Variants in AFF3 observed in about 807,000 individuals in gnomAD.
AFF3 encodes the protein ALF transcription elongation factor 3, also known as AF4/FMR2 family member 3.
AFF3 carries 32 observed loss-of-function variants against 129.7 expected under a neutral mutation model. That is an observed-to-expected ratio of 0.25 (90% confidence interval 0.19 to 0.33). AFF3 has a LOEUF of 0.33. Among genes scored for constraint, AFF3 ranks in the 10% least tolerant of loss-of-function variants. The probability of loss-of-function intolerance (pLI) is 1.00; values close to 1 mark genes in which losing one functional copy is unlikely to be tolerated. For missense variants in AFF3, 1,373 were observed against 1,592.0 expected (o/e 0.86, Z 2.34); for synonymous variants, 644 against 635.4 (o/e 1.01, Z -0.20).
chr2:99,631,772 C>T (rs1683139928), intron 13 of AFF3, among the ~76,000 whole-genome samples: 1 of 152,188 alleles, frequency 6.6e-6, no homozygotes, highest in South Asian at 2.1e-4. Context: ...ACTAGGATTG[C>T]TTCTACCTTT....
chr2:100,063,130 A>G (rs933399106), intron 4 of AFF3, among the ~76,000 whole-genome samples: 3 of 152,096 alleles, frequency 2.0e-5, no homozygotes, highest in Non-Finnish European at 4.4e-5. Flanking sequence ...ACTTGCCTGT[A>G]ATCCCAGGTA....
intron 15 of AFF3, 102 bp from the exon 16 acceptor site, chr2:99,587,380 C>T: frequency 1.4e-6 from 2 of 1,414,940 alleles, no homozygotes; most frequent in Middle Eastern, 3.7e-4. Flanking sequence ...GGGAGCCCCA[C>T]TCACCTGGCT....
intron 12 of AFF3, among the ~76,000 whole-genome samples, chr2:99,651,384 C>T (rs538876932): frequency 3.3e-5 from 5 of 151,798 alleles, no homozygotes; most frequent in South Asian, 2.1e-4. Flanking sequence ...CAGCATGCAC[C>T]GGGAAACAAG....
At chr2:99,587,927 T>C (rs1271936802) in intron 15 of AFF3, among the ~76,000 whole-genome samples, 1 of 151,700 alleles carries the variant, frequency 6.6e-6, no homozygotes, top group Non-Finnish European at 1.5e-5. Flanking sequence ...GGAGAATCGC[T>C]TGAACCTGGG....
rs147948321 is a variant in AFF3, at chr2:99,684,029, G to A, written c.1092-11440C>T. Among the ~76,000 whole-genome samples, 353 of 152,102 alleles carry A rather than the reference G, an allele frequency of 2.3e-3. 1 individual carries two copies. The highest frequency in any genetic ancestry group is 7.1e-3 in the African/African-American group (296 of 41,474). ...AGTGTCCTTCCAAATTTATAGTCAC[G>A]TGTGGGACACAGTCCACTCTACAGG... is the stretch of plus-strand genomic sequence containing the variant. On this transcript the variant is annotated intron_variant, in intron 11 of 24. Transcript: ENST00000672756.
chr2:99,933,993 T>C (rs1226080138), intron 7 of AFF3, among the ~76,000 whole-genome samples: 3 of 152,126 alleles, frequency 2.0e-5, no homozygotes, highest in Non-Finnish European at 2.9e-5. Context: ...ATATCCACCA[T>C]GCATTACAGG....
At chr2:99,834,679 ACT>A (rs2105777631) in intron 8 of AFF3, among the ~76,000 whole-genome samples, 1 of 152,010 alleles carries the variant, frequency 6.6e-6, no homozygotes, top group Non-Finnish European at 1.5e-5. Flanking sequence ...CCTCTCAGAA[ACT>A]CTGAACACCA....
intron 4 of AFF3, among the ~76,000 whole-genome samples, chr2:100,073,464 C>T (rs1443202067): frequency 6.6e-6 from 1 of 152,214 alleles, no homozygotes; most frequent in East Asian, 1.9e-4. Flanking sequence ...TTCCTCTCAG[C>T]CTTCCAGCCC....
intron 7 of AFF3, among the ~76,000 whole-genome samples, chr2:99,894,460 A>G (rs1693788333): frequency 6.6e-6 from 1 of 151,438 alleles, no homozygotes; most frequent in Admixed American, 6.6e-5. Context: ...TTTTCTGATC[A>G]GCGTCAGGAA....
At chr2:100,091,129 T>G (rs1338981428) in intron 4 of AFF3, among the ~76,000 whole-genome samples, 2 of 152,014 alleles carry the variant, frequency 1.3e-5, no homozygotes, top group Admixed American at 1.3e-4. Context: ...TTCCCAGCTC[T>G]GCCTTACTAA....
intron 1 of AFF3, among the ~76,000 whole-genome samples, chr2:100,133,575 G>T (rs935659453): frequency 1.3e-5 from 2 of 152,094 alleles, no homozygotes; most frequent in African/African-American, 4.8e-5. Context: ...CTCCCAGCTG[G>T]AATTACAGGC....
chr2:99,575,888 G>A (rs1043264517), intron 18 of AFF3, among the ~76,000 whole-genome samples: 13 of 152,172 alleles, frequency 8.5e-5, no homozygotes, highest in African/African-American at 3.1e-4. Flanking sequence ...TTCAGCCATA[G>A]CAGATTAAGA....
intron 11 of AFF3, among the ~76,000 whole-genome samples, chr2:99,673,985 A>C (rs1687397176): frequency 1.3e-5 from 2 of 152,160 alleles, no homozygotes; most frequent in Non-Finnish European, 2.9e-5. Flanking sequence ...TACAAAATAA[A>C]TATGCTCCCC....
chr2:99,747,281 C>T (rs1462001690), intron 9 of AFF3, among the ~76,000 whole-genome samples: 2 of 152,062 alleles, frequency 1.3e-5, no homozygotes, highest in African/African-American at 4.8e-5. Context: ...CCACCTGCCT[C>T]GGCCTCCCAA....
rs779277684 is a variant in AFF3 at position 99,744,121 on chromosome 2, G to A, written c.1022C>T (p.Ser341Phe). The A allele has an allele frequency of 6.2e-7, 1 of 1,606,952 alleles. No individual in the cohort carries two copies. The highest frequency in any genetic ancestry group is 8.5e-7 in the Non-Finnish European group (1 of 1,177,018). Residue 341 changes from serine (S) to phenylalanine (F), a missense_variant, in exon 10 of 25, where the codon TCT becomes TTT. By Grantham distance (155) the Ser-to-Phe change is radical (BLOSUM62 -2). Around this residue, in one of 9 missense-constraint regions of AFF3, gnomAD observed 413 missense variants for 424.4 expected, o/e 0.97. Coordinates refer to ENST00000672756, the MANE Select transcript of AFF3 (RefSeq NM_001386135.1). ...FPNKDSQLVSSGHNNPKKGDA... is the reference protein window; with the variant it reads ...FPNKDSQLVSFGHNNPKKGDA... ...TTTCTTACTTGGATTATTGTGTCCA[G>A]AGGATACAAGCTGAGAGTCCTGAAA...
chr2:99,752,645 C>A (rs971540441), intron 8 of AFF3, among the ~76,000 whole-genome samples: 3 of 152,096 alleles, frequency 2.0e-5, no homozygotes, highest in African/African-American at 7.2e-5. Flanking sequence ...GGACTTGATC[C>A]CACAGAATTC....
intron 16 of AFF3, among the ~76,000 whole-genome samples, chr2:99,583,745 T>C (rs1677813005): frequency 6.6e-6 from 1 of 151,412 alleles, no homozygotes; most frequent in South Asian, 2.1e-4. Context: ...CAGGCTGGAG[T>C]GCAATGGCAC....
chr2:100,014,954 ATTTTT>A (rs562822524), intron 4 of AFF3, among the ~76,000 whole-genome samples: 17 of 121,654 alleles, frequency 1.4e-4, no homozygotes, highest in African/African-American at 4.9e-4. Context: ...CAGCCAGCTA[ATTTTT>A]TTTTTTTTTT....
At chr2:99,576,432 C>T (rs906900265) in intron 18 of AFF3, among the ~76,000 whole-genome samples, 3 of 149,612 alleles carry the variant, frequency 2.0e-5, no homozygotes, top group Non-Finnish European at 4.4e-5. Flanking sequence ...AAGAAGATAG[C>T]GTAAGCCCAG....
Sources: gnomAD v4.1 joint callset for allele counts (sites outside exome capture counted in the v4.1 genomes callset) on GRCh38, gnomAD v4.1.1 for gene constraint, gnomAD v4.1.1 regional missense constraint, MANE v1.5 for transcripts, NCBI Gene and HGNC (gene_info 2026-07-23, HGNC 2026-07-21) for gene names.